Variants in EXD3 observed in about 807,000 individuals in gnomAD.
EXD3 encodes exonuclease 3'-5' domain containing 3.
EXD3 carries 92 observed loss-of-function variants against 98.0 expected under a neutral mutation model. The ratio of observed to expected loss-of-function variants is 0.94; its 90% CI spans 0.79 to 1.12. The LOEUF is 1.12. EXD3 is among the 50% of genes most tolerant of loss of function. EXD3 has a pLI of 0.00. For missense variants in EXD3, 1,222 were observed against 1,191.6 expected, an observed-to-expected ratio of 1.03 and a Z score of -0.38; for synonymous variants, 569 against 526.0, an observed-to-expected ratio of 1.08 and a Z score of -1.12.
At chr9:137,318,481 G>T (rs994938660) in intron 19 of EXD3, among the ~76,000 whole-genome samples, 1 of 152,214 alleles carries the variant, frequency 6.6e-6, no homozygotes, top group Admixed American at 6.5e-5. Context: ...CCATGCTGGG[G>T]GGGTGGGGAC....
chr9:137,376,546 T>C (rs1835914612), intron 3 of EXD3, among the ~76,000 whole-genome samples: 1 of 151,928 alleles, frequency 6.6e-6, no homozygotes, highest in Non-Finnish European at 1.5e-5. Flanking sequence ...CTTCACAGCC[T>C]CTTTCTGCCC....
rs1837169616 is a variant in EXD3, at chr9:137,395,504, G to A, written c.-47-100C>T. ...CCTGGAGGTGGTGGAGGGAGCTGGT[G>A]CCTGGGGGGGCCCAAGTGGGACCCC... is the stretch of plus-strand genomic sequence containing the variant. On this transcript the variant is annotated intron_variant, in intron 1 of 21. Transcript: ENST00000340951. This position sits in a 1 kb window ranked among gnomAD's most constrained non-coding sequence, Gnocchi z 6.5. The A allele has an allele frequency of 1.8e-6, 2 of 1,131,612 alleles. No individual in the cohort carries two copies. The highest frequency in any genetic ancestry group is 1.5e-5 in the South Asian group (1 of 68,576). 70.1% of individuals were successfully genotyped at this position (1,131,612 alleles called of 1,614,324 possible). A position where few individuals can be genotyped will look rare whatever the true frequency, so the allele number is the denominator to read the frequency against.
chr9:137,327,857 CT>C (rs1832534468), intron 17 of EXD3, among the ~76,000 whole-genome samples: 1 of 112,522 alleles, frequency 8.9e-6, no homozygotes, highest in South Asian at 2.8e-4. Context: ...AACGAATATA[CT>C]CCCACATGAT....
At chr9:137,358,660 A>G (rs1264885998) in intron 7 of EXD3, among the ~76,000 whole-genome samples, 1 of 152,112 alleles carries the variant, frequency 6.6e-6, no homozygotes, top group Admixed American at 6.6e-5. Flanking sequence ...GCCACTTTAA[A>G]CTGTAACTCC....
chr9:137,355,296 G>A (rs1333605031), intron 8 of EXD3, among the ~76,000 whole-genome samples: 3 of 152,148 alleles, frequency 2.0e-5, no homozygotes, highest in Non-Finnish European at 1.5e-5. Context: ...CCAGGGTGCG[G>A]CAGCCAGTGG....
intron 17 of EXD3, among the ~76,000 whole-genome samples, chr9:137,326,792 G>T (rs1309706267): frequency 6.6e-6 from 1 of 152,132 alleles, no homozygotes; most frequent in Non-Finnish European, 1.5e-5. Context: ...CAGTGTGAAG[G>T]TTCCTCAAGA....
intron 1 of EXD3, among the ~76,000 whole-genome samples, chr9:137,399,419 T>C (rs1424248347): frequency 1.3e-5 from 2 of 152,232 alleles, no homozygotes; most frequent in Non-Finnish European, 2.9e-5. Context: ...AGAATTACTT[T>C]GTCTTCTCAT....
Position 137,349,014 on chromosome 9 carries a change from C to T in EXD3, c.1830+96G>A. ...GCTGGGCCCCCTCCACACGCTCTGA[C>T]CCAGTGGCCTTGTCTCCATGCAGGT... On this transcript the variant is annotated intron_variant, in intron 16 of 21. Transcript: ENST00000340951. The surrounding 1 kb of genome is among the most constrained non-coding windows in gnomAD (Gnocchi z 7.4). 7.1e-7 allele frequency: 1 copy of T among 1,403,064 alleles called. No individual in the cohort carries two copies. Among genetic ancestry groups the T allele is most frequent in the Non-Finnish European group, 9.5e-7 (1 of 1,056,730 alleles). The allele number at this position is 1,403,064 out of a possible 1,614,324, so 86.9% of individuals were successfully genotyped here. A position where few individuals can be genotyped will look rare whatever the true frequency, so the allele number is the denominator to read the frequency against.
Position 137,395,404 on chromosome 9 carries a change from T to C in EXD3, c.-47A>G. On this transcript the variant is annotated splice_region_variant and 5_prime_UTR_variant, in exon 2 of 22. Transcript: ENST00000340951. This position sits in a 1 kb window ranked among gnomAD's most constrained non-coding sequence, Gnocchi z 6.5. Reference sequence around the variant, plus strand: ...GCTGGCAGGCAGCTAGGAACGAGGATCTGCAGAAACAGACAATCAGGTGAA... The same window carrying C: ...GCTGGCAGGCAGCTAGGAACGAGGACCTGCAGAAACAGACAATCAGGTGAA... 6.2e-7 allele frequency: 1 copy of C among 1,612,814 alleles called. No homozygotes were observed.
intron 2 of EXD3, among the ~76,000 whole-genome samples, chr9:137,390,112 ACT>A (rs368338251): frequency 5.5e-4 from 45 of 81,666 alleles, no homozygotes; most frequent in Middle Eastern, 0.013. Flanking sequence ...ACAGAGCGAG[ACT>A]CTGTCAAAAA....
chr9:137,399,265 C>T (rs541672061), intron 1 of EXD3, among the ~76,000 whole-genome samples: 91 of 152,334 alleles, frequency 6.0e-4, no homozygotes, highest in African/African-American at 1.8e-3. Context: ...GGGCCGTGGC[C>T]GGATCCCAGC....
intron 3 of EXD3, among the ~76,000 whole-genome samples, chr9:137,374,031 C>T (rs1290382408): frequency 6.6e-6 from 1 of 152,258 alleles, no homozygotes; most frequent in Non-Finnish European, 1.5e-5. Context: ...CCCTGACCCG[C>T]AGGAGATTTG....
intron 6 of EXD3, 69 bp from the exon 7 acceptor site, chr9:137,366,701 C>T: frequency 1.3e-6 from 2 of 1,506,162 alleles, no homozygotes; most frequent in Non-Finnish European, 8.9e-7. Context: ...ACCTCCAACC[C>T]AGAGGGAGCG....
intron 17 of EXD3, among the ~76,000 whole-genome samples, chr9:137,344,736 A>G (rs1238800023): frequency 6.7e-6 from 1 of 149,972 alleles, no homozygotes; most frequent in Non-Finnish European, 1.5e-5. Context: ...TCCTGCTCAC[A>G]TTCTATCATA....
rs1355707683 is a variant in EXD3, at chr9:137,403,655, T to C, written c.-47-8251A>G. 6.6e-6 allele frequency among the ~76,000 whole-genome samples: 1 copy of C among 152,034 alleles called. No homozygotes were observed. Among genetic ancestry groups the C allele is most frequent in the Non-Finnish European group, 1.5e-5 (1 of 68,012 alleles). ...CTTTTGCTGTCACCTTAATTGGCCT[T>C]GGGGGAGATGGACCAGCAGGCCCGA... On this transcript the variant is annotated intron_variant, in intron 1 of 21. Coordinates refer to ENST00000340951, the MANE Select transcript of EXD3 (RefSeq NM_017820.5). This position sits in a 1 kb window ranked among gnomAD's most constrained non-coding sequence, Gnocchi z 6.1.
rs1041787767 is a variant in EXD3 at position 137,407,910 on chromosome 9, C to G, written c.-47-12506G>C. Among the ~76,000 whole-genome samples the G allele has an allele frequency of 6.6e-6, 1 of 152,090 alleles. No individual in the cohort carries two copies. The highest frequency in any genetic ancestry group is 1.5e-5 in the Non-Finnish European group (1 of 67,996). On this transcript the variant is annotated intron_variant, in intron 1 of 21. Transcript: ENST00000340951. The surrounding 1 kb of genome is among the most constrained non-coding windows in gnomAD (Gnocchi z 4.4). ...TTTCCCCTTGGGCACCATGGACACCCCAGGCCCCGCAGCACACAAATGCGG... is the reference window on the plus strand; with the variant it reads ...TTTCCCCTTGGGCACCATGGACACCGCAGGCCCCGCAGCACACAAATGCGG...
chr9:137,372,233 A>AT (rs932192505), intron 5 of EXD3, among the ~76,000 whole-genome samples: 47 of 152,150 alleles, frequency 3.1e-4, no homozygotes, highest in Admixed American at 2.0e-3. Flanking sequence ...TTGGATACTG[A>AT]TCCGACGCAT....
intron 17 of EXD3, among the ~76,000 whole-genome samples, chr9:137,340,716 C>T (rs771853005): frequency 4.6e-5 from 7 of 151,918 alleles, no homozygotes; most frequent in East Asian, 3.9e-4. Flanking sequence ...AATAATGTCT[C>T]GCTATGTTAC....
chr9:137,325,471 C>T (rs147283707), intron 17 of EXD3, among the ~76,000 whole-genome samples: 2,064 of 151,936 alleles, frequency 0.014, 17 homozygotes, highest in Non-Finnish European at 0.02. Flanking sequence ...CTCACTGTGT[C>T]GCCCAGGCTG....
Sources: allele counts gnomAD v4.1 joint callset (sites outside exome capture counted in the v4.1 genomes callset), GRCh38; gene constraint gnomAD v4.1.1; non-coding constraint Gnocchi (gnomAD v3.1); transcripts MANE v1.5; gene names NCBI Gene and HGNC (gene_info 2026-07-23, HGNC 2026-07-21).